Variants in LRP4 observed in about 807,000 individuals in gnomAD.
LRP4 encodes the protein LDL receptor related protein 4.
Under a neutral mutation model 220.3 loss-of-function variants are expected in LRP4, and 95 were observed. The ratio of observed to expected loss-of-function variants is 0.43; its 90% confidence interval spans 0.37 to 0.51. LRP4 has a LOEUF of 0.51. LRP4 is among the 20% of genes least tolerant of loss of function. The probability of loss-of-function intolerance (pLI) is 0.00; values close to 1 mark genes in which losing one functional copy is unlikely to be tolerated. For missense variants in LRP4, 1,925 were observed against 2,567.0 expected (o/e 0.75, Z 5.40); for synonymous variants, 903 against 954.6 (o/e 0.95, Z 1.00).
chr11:46,889,889 A>G, intron 15 of LRP4, 55 bp downstream of exon 15: 1 of 1,595,078 alleles, frequency 6.3e-7, no homozygotes, highest in Admixed American at 1.7e-5. Context: ...CAGAGGCACC[A>G]GAGGCCACCT....
At position 46,898,976 on chromosome 11, in the gene LRP4, G is replaced by C; in HGVS notation, c.604C>G (p.Arg202Gly). Residue 202 changes from arginine to glycine, a missense_variant, in exon 6 of 38, where the codon CGC becomes GGC. This residue lies in a region of LRP4 where 412 missense variants were observed against 505.4 expected (regional missense o/e 0.82). Coordinates refer to ENST00000378623, the MANE Select transcript of LRP4 (RefSeq NM_002334.4). ...CAGTGGTAGATGTCGAGGATGCAGC[G>C]TCCATAGGCACACTGGAACTCCTCC... The part of the protein sequence containing the change: ...NLEEFQCAYG[R>G]CILDIYHCDG... 1 of 1,613,764 alleles carries C rather than the reference G, an allele frequency of 6.2e-7. No homozygotes were observed. Among genetic ancestry groups the C allele is most frequent in the East Asian group, 2.2e-5 (1 of 44,874 alleles).
At chr11:46,917,195 G>T (rs922333074) in intron 1 of LRP4, among the ~76,000 whole-genome samples, 43 of 152,218 alleles carry the variant, frequency 2.8e-4, no homozygotes, top group African/African-American at 9.9e-4. Flanking sequence ...CACACGAGCT[G>T]TCCTACGTGA....
rs763884493 is a variant in LRP4 at position 46,876,859 on chromosome 11, G to C, written c.3278-29C>G. The C allele has an allele frequency of 3.9e-6, 6 of 1,538,394 alleles. No individual in the cohort carries two copies. In the Admixed American group the frequency reaches 6.7e-5, roughly 17 times the overall value. ...GAGAGGGAAAGCTTGGCTCAACCTAGACCCTCACCGCCTACAATGGGACAC... is the reference window on the plus strand; with the variant it reads ...GAGAGGGAAAGCTTGGCTCAACCTACACCCTCACCGCCTACAATGGGACAC... On this transcript the variant is annotated intron_variant, in intron 23 of 37. Transcript: ENST00000378623.
Position 46,875,586 on chromosome 11 carries a change from G to T in LRP4, c.3795C>A (p.Ile1265=), listed in dbSNP as rs1565782733. 2.5e-6 allele frequency: 4 copies of T among 1,614,188 alleles called. No individual in the cohort carries two copies. Among genetic ancestry groups the T allele is most frequent in the Middle Eastern group, 1.6e-4 (1 of 6,062 alleles). ...PYGLTLLDSY[I]YWTDWQTRSI... is the part of the protein sequence containing the mutation. ...TCCGAGTCTGCCAGTCAGTCCAGTA[G>T]ATATAGGAGTCGAGCAGGGTGAGGC... Residue 1265 remains isoleucine, a synonymous_variant, in exon 27 of 38, where the codon ATC becomes ATA. Coordinates refer to ENST00000378623, the MANE Select transcript of LRP4 (RefSeq NM_002334.4). The surrounding 1 kb of genome is among the most constrained non-coding windows in gnomAD (Gnocchi z 4.5).
At chr11:46,891,195 C>G (rs12364836) in intron 13 of LRP4, among the ~76,000 whole-genome samples, 275 of 152,146 alleles carry the variant, frequency 1.8e-3, no homozygotes, top group Non-Finnish European at 3.0e-3. Context: ...CTCACTGCAA[C>G]CTCCACCTCC....
At chr11:46,896,114 A>G in intron 9 of LRP4, 96 bp from the exon 10 acceptor site, 1 of 1,611,214 alleles carries the variant, frequency 6.2e-7, no homozygotes, top group Non-Finnish European at 8.5e-7. Context: ...ACAGCTCCCA[A>G]AGCTGCAAGA....
In LRP4 at chr11:46,898,691, A is replaced by C. The variant is rs373597511; in HGVS notation, c.677-14T>G. 1 of 1,613,808 alleles carries C rather than the reference A, an allele frequency of 6.2e-7. No individual in the cohort carries two copies. The highest frequency in any genetic ancestry group is 1.1e-5 in the South Asian group (1 of 91,076). ...GCTGGTGGGAGGCTAGGGAAACACA[A>C]GACTTCTGTCTCTAGCCAGTCTGTG... On this transcript the variant is annotated splice_polypyrimidine_tract_variant and intron_variant, in intron 6 of 37. Coordinates refer to ENST00000378623, the MANE Select transcript of LRP4 (RefSeq NM_002334.4).
At chr11:46,869,267 A>C in intron 31 of LRP4, 135 bp from the exon 32 acceptor site, 1 of 820,366 alleles carries the variant, frequency 1.2e-6, no homozygotes, top group Admixed American at 2.0e-5. Flanking sequence ...ATTTCTGTGC[A>C]TCAACAGACA....
At chr11:46,868,457 A>G (rs1940761279) in intron 33 of LRP4, 143 bp downstream of exon 33, 3 of 727,494 alleles carry the variant, frequency 4.1e-6, no homozygotes, top group African/African-American at 1.7e-5. Context: ...ACCCAAGCAG[A>G]CTGCTACCAA....
chr11:46,907,288 C>G (rs1008669590), intron 1 of LRP4, among the ~76,000 whole-genome samples: 1 of 152,160 alleles, frequency 6.6e-6, no homozygotes, highest in Admixed American at 6.5e-5. Flanking sequence ...AAGGTCTGTC[C>G]GCAAGGTATC....
Position 46,898,987 on chromosome 11 carries a change from C to T in LRP4, c.593G>A (p.Cys198Tyr). The T allele has an allele frequency of 6.2e-7, 1 of 1,613,764 alleles. No homozygotes were observed. The highest frequency in any genetic ancestry group is 8.5e-7 in the Non-Finnish European group (1 of 1,180,002). The change falls in exon 6 of 38, where the codon TGT becomes TAT. Residue 198 changes from cysteine to tyrosine, a missense_variant. Coordinates refer to ENST00000378623, the MANE Select transcript of LRP4 (RefSeq NM_002334.4). ...APPCNLEEFQ[C>Y]AYGRCILDIY... ...GTCGAGGATGCAGCGTCCATAGGCA[C>T]ACTGGAACTCCTCCAGGTTGCAGGG...
At chr11:46,917,993 GC>G (rs1173332178) in intron 1 of LRP4, among the ~76,000 whole-genome samples, 1 of 152,176 alleles carries the variant, frequency 6.6e-6, no homozygotes, top group African/African-American at 2.4e-5. Flanking sequence ...AGGACACAGA[GC>G]CCCCGACCTA....
At chr11:46,895,361 G>A in intron 10 of LRP4, 70 bp from the exon 11 acceptor site, 2 of 1,594,658 alleles carry the variant, frequency 1.3e-6, no homozygotes, top group Non-Finnish European at 1.7e-6. Flanking sequence ...AGGCTGCCGA[G>A]CTGCTTTTCT....
intron 15 of LRP4, 161 bp from the exon 16 acceptor site, chr11:46,889,694 C>G (rs1384277178): frequency 9.3e-6 from 9 of 965,964 alleles, no homozygotes; most frequent in Non-Finnish European, 1.4e-5. Context: ...GAGTACCCGG[C>G]ACAGAGGAGA....
rs1300950708 is a variant in LRP4, at chr11:46,874,985, A to G, written c.4044T>C (p.Cys1348=). ...GCAGGTAGGTCTCAGGAGAGGGATC[A>G]CAGGTCTTCCCATCTCCCTTCAGCT... The part of the protein sequence containing the change: ...GIQLKGDGKT[C]DPSPETYLLF... Residue 1348 remains cysteine (C), a synonymous_variant, in exon 28 of 38, where the codon TGT becomes TGC. Transcript: ENST00000378623. 1 of 1,614,074 alleles carries G rather than the reference A, an allele frequency of 6.2e-7. No homozygotes were observed. The highest frequency in any genetic ancestry group is 8.5e-7 in the Non-Finnish European group (1 of 1,180,038).
At position 46,890,105 on chromosome 11, in the gene LRP4, A is replaced by G; in HGVS notation, c.1931T>C (p.Phe644Ser). Residue 644 changes from phenylalanine to serine, a missense_variant, in exon 15 of 38, where the codon TTC becomes TCC. This residue lies in a region of LRP4 where 269 missense variants were observed against 436.7 expected (regional missense o/e 0.62). Transcript: ENST00000378623. This position sits in a 1 kb window ranked among gnomAD's most constrained non-coding sequence, Gnocchi z 5.3. Reference protein sequence around the residue: ...AVISQGLPHPFAITVFEDSLY... With the variant: ...AVISQGLPHPSAITVFEDSLY... ...GCTGTCTTCAAACACTGTGATGGCGAAGGGATGCGGGAGGCCTGGGGAAAG... is the reference window on the plus strand; with the variant it reads ...GCTGTCTTCAAACACTGTGATGGCGGAGGGATGCGGGAGGCCTGGGGAAAG... The G allele has an allele frequency of 1.2e-6, 2 of 1,614,030 alleles. No homozygotes were observed. The highest frequency in any genetic ancestry group is 1.7e-6 in the Non-Finnish European group (2 of 1,180,028).
chr11:46,900,494 C>T, intron 2 of LRP4, 116 bp from the exon 3 acceptor site: 1 of 729,128 alleles, frequency 1.4e-6, no homozygotes, highest in Admixed American at 2.0e-5. Flanking sequence ...TTTTTTGAGA[C>T]CGAGTCTTAC....
chr11:46,886,103 A>G lies in LRP4; in HGVS notation c.2494T>C (p.Trp832Arg). The change falls in exon 18 of 38, where the codon TGG (tryptophan) becomes CGG (arginine). Residue 832 changes from tryptophan to arginine, a missense_variant. Trp to Arg is a moderately radical substitution (Grantham distance 101). Transcript: ENST00000378623. ...AIDWVTNKLY[W>R]TDAGTDRIEV... is the part of the protein sequence containing the mutation. Reference sequence around the variant, plus strand: ...CCCCTATGCATACCTGCATCTGTCCAGTACAGTTTGTTGGTGACCCAATCA... The same window carrying G: ...CCCCTATGCATACCTGCATCTGTCCGGTACAGTTTGTTGGTGACCCAATCA... 6.2e-7 allele frequency: 1 copy of G among 1,614,100 alleles called. No homozygotes were observed. Among genetic ancestry groups the G allele is most frequent in the Non-Finnish European group, 8.5e-7 (1 of 1,180,018 alleles).
intron 1 of LRP4, among the ~76,000 whole-genome samples, chr11:46,910,344 TA>T (rs1297420280): frequency 3.3e-5 from 5 of 152,156 alleles, no homozygotes; most frequent in Admixed American, 6.6e-5. Flanking sequence ...ATTGGGATAA[TA>T]AAATCCCCTA....
Sources: gnomAD v4.1 joint callset for allele counts (sites outside exome capture counted in the v4.1 genomes callset) on GRCh38, gnomAD v4.1.1 for gene constraint, gnomAD v4.1.1 regional missense constraint, Gnocchi (gnomAD v3.1) non-coding constraint, MANE v1.5 for transcripts, NCBI Gene and HGNC (gene_info 2026-07-23, HGNC 2026-07-21) for gene names.